The following VIPR2 variants were observed in gnomAD, a reference collection of about 807,000 sequenced individuals.
VIPR2 encodes the protein vasoactive intestinal polypeptide receptor 2.
Under a neutral mutation model 58.0 loss-of-function variants are expected in VIPR2, and 48 were observed. The ratio of observed to expected loss-of-function variants is 0.83; its 90% CI spans 0.66 to 1.05. The LOEUF is 1.05. Among genes scored for constraint, VIPR2 ranks in the 50% least tolerant of loss-of-function variants. The pLI is 0.00. For synonymous variants in VIPR2, 243 were observed against 235.2 expected, an observed-to-expected ratio of 1.03 and a Z score of -0.30; for missense variants, 534 against 558.0, an observed-to-expected ratio of 0.96 and a Z score of 0.43.
At position 159,030,404 on chromosome 7, in the gene VIPR2, T is replaced by G; in HGVS notation, c.*212A>C. On this transcript the variant is annotated 3_prime_UTR_variant, in exon 13 of 13. Transcript: ENST00000262178. ...CGGCTGAAACACATTTTGCACAAGA[T>G]TATCTAAATGCTGGAGTTTAAATCG... 1 of 498,396 alleles carries G rather than the reference T, an allele frequency of 2.0e-6. No individual in the cohort carries two copies. Among genetic ancestry groups the G allele is most frequent in the Non-Finnish European group, 3.3e-6 (1 of 299,262 alleles). 30.9% of individuals were successfully genotyped at this position (498,396 alleles called of 1,614,324 possible).
intron 4 of VIPR2, among the ~76,000 whole-genome samples, chr7:159,081,384 A>G (rs1252614725): frequency 6.6e-6 from 1 of 152,264 alleles, no homozygotes; most frequent in South Asian, 2.1e-4. Context: ...TCCCTATTTA[A>G]TAAATGGTGC....
At chr7:159,118,896 G>A (rs575892433) in intron 2 of VIPR2, among the ~76,000 whole-genome samples, 3 of 152,344 alleles carry the variant, frequency 2.0e-5, no homozygotes, top group African/African-American at 2.4e-5. Flanking sequence ...GCGGCACAGC[G>A]CTTTGTGCAC....
chr7:159,036,468 G>C (rs547179205), intron 7 of VIPR2, among the ~76,000 whole-genome samples: 1 of 152,172 alleles, frequency 6.6e-6, no homozygotes, highest in Non-Finnish European at 1.5e-5. Flanking sequence ...GGTGAAGTGG[G>C]TAGAGGCGGA....
intron 2 of VIPR2, among the ~76,000 whole-genome samples, chr7:159,113,363 A>T (rs1261067256): frequency 6.6e-6 from 1 of 152,180 alleles, no homozygotes; most frequent in African/African-American, 2.4e-5. Context: ...TCAATCAATC[A>T]TGACCCTTTC....
At position 159,030,715 on chromosome 7, in the gene VIPR2, G is replaced by GCAGA; in HGVS notation, c.1214_1217dup (p.Gly407LeufsTer99). 6.3e-7 allele frequency: 1 copy of GCAGA among 1,593,784 alleles called. No homozygotes were observed. ...AGCCGTTGCGGGAGAAGGAGGAACC[G>GCAGA]CAGACCCTGTAATCCCGGCTCGCGG... On this transcript the variant is annotated frameshift_variant, in exon 13 of 13. Transcript: ENST00000262178. LOFTEE classifies it high-confidence loss of function.
At chr7:159,108,446 C>T (rs1795858456) in intron 3 of VIPR2, among the ~76,000 whole-genome samples, 2 of 152,354 alleles carry the variant, frequency 1.3e-5, no homozygotes, top group South Asian at 2.1e-4. Flanking sequence ...CTAGCTGCGA[C>T]TACTCAAGTG....
chr7:159,098,582 T>C lies in VIPR2; in HGVS notation c.357+5175A>G, dbSNP rs975615419. On this transcript the variant is annotated intron_variant, in intron 4 of 12. Coordinates refer to ENST00000262178, the MANE Select transcript of VIPR2 (RefSeq NM_003382.5). The surrounding 1 kb of genome is among the most constrained non-coding windows in gnomAD (Gnocchi z 5.2). The stretch of plus-strand genomic sequence containing the variant: ...CCATGGCCACGGCTGGTGCGGCCCC[T>C]TGGGCTCCAGGTCCAGATGAGATGC... Among the ~76,000 whole-genome samples the C allele has an allele frequency of 3.5e-4, 53 of 152,152 alleles. No homozygotes were observed. Among genetic ancestry groups the C allele is most frequent in the Non-Finnish European group, 7.4e-4 (50 of 67,988 alleles).
chr7:159,050,354 C>CAAAAAAAAAAAAAAAAAAAAAAAAAAAA (rs11302236), intron 5 of VIPR2, among the ~76,000 whole-genome samples: 1 of 139,174 alleles, frequency 7.2e-6, no homozygotes, highest in Admixed American at 7.1e-5. Flanking sequence ...CACAAAAAAA[C>CAAAAAAAAAAAAAAAAAAAAAAAAAAAA]AAAAAAAAAA....
At position 159,127,446 on chromosome 7, in the gene VIPR2, T is replaced by G. The variant is rs1796696652; in HGVS notation, c.151+15000A>C. Among the ~76,000 whole-genome samples, 1 of 152,242 alleles carries G rather than the reference T, an allele frequency of 6.6e-6. No individual in the cohort carries two copies. The highest frequency in any genetic ancestry group is 1.5e-5 in the Non-Finnish European group (1 of 68,044). On this transcript the variant is annotated intron_variant, in intron 2 of 12. Transcript: ENST00000262178. This position sits in a 1 kb window ranked among gnomAD's most constrained non-coding sequence, Gnocchi z 4.6. Reference sequence around the variant, plus strand: ...ACAAGAGGATTTTTCAAAGTAACGTTTATAGGTCCAGATAGAACCTATGAA... The same window carrying G: ...ACAAGAGGATTTTTCAAAGTAACGTGTATAGGTCCAGATAGAACCTATGAA...
At chr7:159,068,145 T>TA (rs1856191628) in intron 4 of VIPR2, among the ~76,000 whole-genome samples, 1 of 152,222 alleles carries the variant, frequency 6.6e-6, no homozygotes, top group Non-Finnish European at 1.5e-5. Flanking sequence ...TGGCCTTAGA[T>TA]ACGAGTATTA....
intron 4 of VIPR2, among the ~76,000 whole-genome samples, chr7:159,058,943 C>G (rs770862983): frequency 2.0e-5 from 3 of 152,250 alleles, no homozygotes; most frequent in Non-Finnish European, 2.9e-5. Flanking sequence ...CTTTCTGACA[C>G]TCCTGGATGA....
Position 159,134,042 on chromosome 7 carries a change from A to C in VIPR2, c.151+8404T>G, listed in dbSNP as rs187998143. On this transcript the variant is annotated intron_variant, in intron 2 of 12. Coordinates refer to ENST00000262178, the MANE Select transcript of VIPR2 (RefSeq NM_003382.5). Reference sequence around the variant, plus strand: ...TATTTTTGAAAACTTGAAACTCTGAAATTATACTAAGTTAAATTAAATGAT... The same window carrying C: ...TATTTTTGAAAACTTGAAACTCTGACATTATACTAAGTTAAATTAAATGAT... 3.9e-5 allele frequency among the ~76,000 whole-genome samples: 6 copies of C among 152,342 alleles called. No individual in the cohort carries two copies. The East Asian group carries it at 1.2e-3, about 29-fold the overall frequency.
chr7:159,109,418 G>C (rs1462833405), intron 3 of VIPR2, among the ~76,000 whole-genome samples: 1 of 152,176 alleles, frequency 6.6e-6, no homozygotes, highest in Non-Finnish European at 1.5e-5. Flanking sequence ...GGAGGCTCTG[G>C]GTGCCACACT....
intron 6 of VIPR2, among the ~76,000 whole-genome samples, chr7:159,040,723 G>A (rs2129493320): frequency 6.6e-6 from 1 of 152,304 alleles, no homozygotes; most frequent in East Asian, 1.9e-4. Flanking sequence ...AAATTCAACT[G>A]GAAGGAAAGC....
intron 5 of VIPR2, 84 bp downstream of exon 5, chr7:159,058,397 C>G (rs1855445332): frequency 8.7e-7 from 1 of 1,144,098 alleles, no homozygotes; most frequent in African/African-American, 1.5e-5. Flanking sequence ...CAGAGGGCTC[C>G]AGGCTGGGTG....
At position 159,032,063 on chromosome 7, in the gene VIPR2, G is replaced by A. The variant is rs753984358; in HGVS notation, c.976C>T (p.Leu326=). The change falls in exon 11 of 13, where the codon CTG becomes TTG. Residue 326 remains leucine, a synonymous_variant. Transcript: ENST00000262178. ...GGNDQSQYKR[L]AKSTLLLIPL... ...ATAAGCAGGAGCGTGGACTTGGCCA[G>A]CCTCCTGCACAGAAGGAGATGAGCC... 1.2e-6 allele frequency: 2 copies of A among 1,613,970 alleles called. No individual in the cohort carries two copies. Among genetic ancestry groups the A allele is most frequent in the East Asian group, 4.5e-5 (2 of 44,860 alleles).
chr7:159,137,040 T>G (rs190851223), intron 2 of VIPR2, among the ~76,000 whole-genome samples: 184 of 152,202 alleles, frequency 1.2e-3, no homozygotes, highest in African/African-American at 3.9e-3. Context: ...GGGAGCTTGC[T>G]GTGTCTGGGG....
chr7:159,042,912 C>A, intron 6 of VIPR2, 123 bp downstream of exon 6: 2 of 1,310,342 alleles, frequency 1.5e-6, no homozygotes, highest in Non-Finnish European at 1.0e-6. Context: ...CTCTCTGTTT[C>A]TCAGCCATGA....
intron 8 of VIPR2, among the ~76,000 whole-genome samples, chr7:159,035,006 C>T (rs976762946): frequency 2.5e-4 from 38 of 152,204 alleles, no homozygotes; most frequent in African/African-American, 8.7e-4. Flanking sequence ...CCCCTCACCT[C>T]CCGAATGGTT....
Sources: allele counts gnomAD v4.1 joint callset (sites outside exome capture counted in the v4.1 genomes callset), GRCh38; gene constraint gnomAD v4.1.1; non-coding constraint Gnocchi (gnomAD v3.1); transcripts MANE v1.5; gene names NCBI Gene and HGNC (gene_info 2026-07-23, HGNC 2026-07-21).